The following SLC35F4 variants were observed in gnomAD, a reference collection of about 807,000 sequenced individuals.
The protein encoded by SLC35F4 is chromosome 14 open reading frame 36.
SLC35F4 carries 24 observed loss-of-function variants against 44.2 expected under a neutral mutation model. That is an observed-to-expected ratio of 0.54 (90% confidence interval 0.39 to 0.76). The LOEUF (loss-of-function observed/expected upper bound fraction) is 0.76, where lower values mean the gene tolerates loss of function less well. Ranked by LOEUF, SLC35F4 falls within the 30% of genes least tolerant of loss-of-function variation. The pLI is 0.00. For synonymous variants in SLC35F4, 238 were observed against 223.6 expected, an observed-to-expected ratio of 1.06 and a Z score of -0.57; for missense variants, 562 against 586.1, an observed-to-expected ratio of 0.96 and a Z score of 0.42.
intron 1 of SLC35F4, among the ~76,000 whole-genome samples, chr14:57,718,577 A>G (rs1206126847): frequency 2.0e-5 from 3 of 152,138 alleles, no homozygotes; most frequent in African/African-American, 7.2e-5. Flanking sequence ...TTTGATTTGC[A>G]TTTCTCTGAT....
At chr14:57,865,344 A>G (rs1888060538) in intron 1 of SLC35F4, among the ~76,000 whole-genome samples, 1 of 145,040 alleles carries the variant, frequency 6.9e-6, no homozygotes, top group Non-Finnish European at 1.5e-5. Flanking sequence ...CTTTCGGGGC[A>G]TGTATCCCCT....
intron 1 of SLC35F4, among the ~76,000 whole-genome samples, chr14:57,790,421 C>T (rs2140799950): frequency 6.6e-6 from 1 of 152,244 alleles, no homozygotes; most frequent in Middle Eastern, 3.4e-3. Flanking sequence ...AGGAATACAA[C>T]TTACAAGTGA....
At chr14:57,947,245 T>C (rs1890051629) in intron 1 of SLC35F4, among the ~76,000 whole-genome samples, 1 of 113,282 alleles carries the variant, frequency 8.8e-6, no homozygotes. Context: ...TGGTGGTGGG[T>C]TTTTTGTTTT....
chr14:57,940,917 G>C (rs532247488), intron 1 of SLC35F4, among the ~76,000 whole-genome samples: 1 of 152,264 alleles, frequency 6.6e-6, no homozygotes, highest in East Asian at 1.9e-4. Flanking sequence ...AGGTATCTTA[G>C]TTGCCTTGTA....
intron 1 of SLC35F4, among the ~76,000 whole-genome samples, chr14:57,742,172 G>C (rs1157569025): frequency 2.0e-5 from 3 of 152,096 alleles, no homozygotes; most frequent in African/African-American, 7.2e-5. Context: ...CAACTAACGA[G>C]CAAAATAACC....
At chr14:57,721,222 G>A (rs968886113) in intron 1 of SLC35F4, among the ~76,000 whole-genome samples, 2 of 151,754 alleles carry the variant, frequency 1.3e-5, no homozygotes, top group Admixed American at 1.3e-4. Context: ...TCCTTTAATA[G>A]TATGGAGAAC....
chr14:57,629,743 AGACAG>A, intron 1 of SLC35F4: 1 of 270,584 alleles, frequency 3.7e-6, no homozygotes, highest in South Asian at 4.3e-5. Flanking sequence ...TGGGCACATA[AGACAG>A]GAACACAGGA....
chr14:57,783,103 A>G (rs1019815503), intron 1 of SLC35F4, among the ~76,000 whole-genome samples: 2 of 152,298 alleles, frequency 1.3e-5, no homozygotes, highest in Admixed American at 6.5e-5. Flanking sequence ...TCATATTAAA[A>G]ATGCTGCTTT....
chr14:57,975,943 G>C (rs1201009433), downstream of SLC35F4, among the ~76,000 whole-genome samples: 1 of 152,168 alleles, frequency 6.6e-6, no homozygotes, highest in African/African-American at 2.4e-5. Context: ...TGAATACCAG[G>C]GATCTGTAGT....
At position 57,794,982 on chromosome 14, in the gene SLC35F4, C is replaced by T. The variant is rs2078020860; in HGVS notation, c.103+70741G>A. On this transcript the variant is annotated intron_variant, in intron 1 of 7. Transcript: ENST00000556826. ...TGAATTCCTGCTCCATCAATTATTA[C>T]TTATATAGCTGTGAACAAATTACAC... Among the ~76,000 whole-genome samples the T allele has an allele frequency of 3.3e-5, 5 of 152,188 alleles. No individual in the cohort carries two copies. The South Asian group carries it at 1.0e-3, about 32-fold the overall frequency.
At chr14:57,722,639 A>G (rs1285812878) in intron 1 of SLC35F4, among the ~76,000 whole-genome samples, 1 of 152,202 alleles carries the variant, frequency 6.6e-6, no homozygotes, top group Non-Finnish European at 1.5e-5. Flanking sequence ...AGGTAGGCAT[A>G]GCTACCATAA....
intron 1 of SLC35F4, among the ~76,000 whole-genome samples, chr14:57,622,076 A>G (rs1189945009): frequency 6.8e-6 from 1 of 147,582 alleles, no homozygotes; most frequent in African/African-American, 2.5e-5. Flanking sequence ...AATGCTCGCC[A>G]TCACTGGCCA....
chr14:57,656,758 G>A (rs915241296), intron 1 of SLC35F4, among the ~76,000 whole-genome samples: 1 of 152,080 alleles, frequency 6.6e-6, no homozygotes, highest in Admixed American at 6.6e-5. Flanking sequence ...TTCTATGTCT[G>A]TGCCTCTATT....
chr14:57,787,107 A>G (rs1054408251), intron 1 of SLC35F4, among the ~76,000 whole-genome samples: 2 of 152,226 alleles, frequency 1.3e-5, no homozygotes, highest in African/African-American at 4.8e-5. Flanking sequence ...ACTCTTAGAA[A>G]TGTGAAATGC....
At chr14:57,739,751 T>C (rs929609646) in intron 1 of SLC35F4, among the ~76,000 whole-genome samples, 2 of 152,222 alleles carry the variant, frequency 1.3e-5, no homozygotes, top group African/African-American at 4.8e-5. Flanking sequence ...CTGAGTTTCA[T>C]CTATAAATCA....
At chr14:57,894,330 G>T (rs1888830235) in intron 1 of SLC35F4, among the ~76,000 whole-genome samples, 1 of 151,998 alleles carries the variant, frequency 6.6e-6, no homozygotes, top group Admixed American at 6.6e-5. Flanking sequence ...GAAGACAGTT[G>T]TACAAAATGT....
At chr14:57,645,167 G>A (rs1458524442) in intron 1 of SLC35F4, among the ~76,000 whole-genome samples, 2 of 152,130 alleles carry the variant, frequency 1.3e-5, no homozygotes, top group East Asian at 1.9e-4. Flanking sequence ...CAAAGTCATT[G>A]GTAGCTTGAT....
At chr14:57,646,162 C>G (rs562557103) in intron 1 of SLC35F4, among the ~76,000 whole-genome samples, 1 of 152,168 alleles carries the variant, frequency 6.6e-6, no homozygotes, top group African/African-American at 2.4e-5. Flanking sequence ...AGGATTCCCT[C>G]TTTTTCTATT....
chr14:57,830,096 T>C (rs1205686363), intron 1 of SLC35F4, among the ~76,000 whole-genome samples: 1 of 152,246 alleles, frequency 6.6e-6, no homozygotes, highest in Non-Finnish European at 1.5e-5. Flanking sequence ...AATATTCCAA[T>C]ACATTGTCTG....
Sources: gnomAD v4.1 joint callset for allele counts (sites outside exome capture counted in the v4.1 genomes callset) on GRCh38, gnomAD v4.1.1 for gene constraint, MANE v1.5 for transcripts, NCBI Gene and HGNC (gene_info 2026-07-23, HGNC 2026-07-21) for gene names.